The following CPQ variants were observed in gnomAD, a reference collection of about 807,000 sequenced individuals.
The protein encoded by CPQ is Ser-Met dipeptidase.
In CPQ, 37 loss-of-function variants were observed where a neutral mutation model predicts 45.7. That is an observed-to-expected ratio of 0.81 (90% CI 0.62 to 1.07). The LOEUF (loss-of-function observed/expected upper bound fraction) is 1.07, where lower values mean the gene tolerates loss of function less well. Ranked by LOEUF, CPQ falls within the 50% of genes least tolerant of loss-of-function variation. CPQ has a pLI of 0.00. For synonymous variants in CPQ, 186 were observed against 205.8 expected (o/e 0.90, Z 0.82); for missense variants, 537 against 572.9 (o/e 0.94, Z 0.64).
At chr8:96,743,410 C>G (rs561680548) in intron 1 of CPQ, among the ~76,000 whole-genome samples, 4 of 152,014 alleles carry the variant, frequency 2.6e-5, no homozygotes, top group African/African-American at 9.7e-5. Context: ...ACTTCTTTGC[C>G]TTTGGTTTGA....
At position 96,974,389 on chromosome 8, in the gene CPQ, T is replaced by C. The variant is rs192399673; in HGVS notation, c.961+8343T>C. Among the ~76,000 whole-genome samples the C allele has an allele frequency of 1.9e-4, 29 of 152,282 alleles. No individual in the cohort carries two copies. In the South Asian group the frequency reaches 2.3e-3, roughly 12 times the overall value. On this transcript the variant is annotated intron_variant, in intron 5 of 7. Transcript: ENST00000220763. ...TTTATGAAACAATTACTATTAGACCTAAGTAGTGAGATAGACAGCAACACA... is the reference window on the plus strand; with the variant it reads ...TTTATGAAACAATTACTATTAGACCCAAGTAGTGAGATAGACAGCAACACA...
At chr8:96,892,675 A>T (rs752248729) in intron 4 of CPQ, among the ~76,000 whole-genome samples, 1 of 152,204 alleles carries the variant, frequency 6.6e-6, no homozygotes, top group South Asian at 2.1e-4. Flanking sequence ...TATTTTTCAA[A>T]TTTCTGAAAT....
chr8:97,041,796 T>C (rs1810130809), intron 6 of CPQ, among the ~76,000 whole-genome samples: 1 of 152,224 alleles, frequency 6.6e-6, no homozygotes, highest in Non-Finnish European at 1.5e-5. Flanking sequence ...TTTATAGATT[T>C]GCGTATATTG....
At chr8:96,860,711 A>G (rs2130866832) in intron 3 of CPQ, among the ~76,000 whole-genome samples, 1 of 152,242 alleles carries the variant, frequency 6.6e-6, no homozygotes, top group Non-Finnish European at 1.5e-5. Context: ...TTCAGGGTGG[A>G]ATTAAGCTCC....
chr8:97,105,878 C>G (rs1023070175), intron 7 of CPQ, among the ~76,000 whole-genome samples: 2 of 152,216 alleles, frequency 1.3e-5, no homozygotes, highest in South Asian at 4.1e-4. Context: ...ATTTCTACAG[C>G]TATTTGGTAA....
intron 1 of CPQ, among the ~76,000 whole-genome samples, chr8:96,691,692 T>C (rs1053628172): frequency 6.6e-6 from 1 of 152,136 alleles, no homozygotes; most frequent in African/African-American, 2.4e-5. Flanking sequence ...TGGTAACTGG[T>C]GTGAGAATTC....
intron 5 of CPQ, among the ~76,000 whole-genome samples, chr8:97,028,643 T>C (rs1309328660): frequency 1.3e-5 from 2 of 152,208 alleles, no homozygotes; most frequent in African/African-American, 4.8e-5. Flanking sequence ...AGCTTCCTTG[T>C]AGGTAACTTT....
intron 4 of CPQ, among the ~76,000 whole-genome samples, chr8:96,904,350 C>T (rs916764511): frequency 2.6e-5 from 4 of 152,196 alleles, no homozygotes; most frequent in Non-Finnish European, 5.9e-5. Context: ...TGACATTTGC[C>T]TTTGGGATGC....
At chr8:96,755,627 T>G (rs1810317741) in intron 1 of CPQ, among the ~76,000 whole-genome samples, 1 of 151,816 alleles carries the variant, frequency 6.6e-6, no homozygotes, top group South Asian at 2.1e-4. Context: ...ATTTTAAAAT[T>G]TATAATCTTC....
chr8:97,073,469 C>G (rs1405782367), intron 7 of CPQ, among the ~76,000 whole-genome samples: 5 of 152,196 alleles, frequency 3.3e-5, no homozygotes, highest in Admixed American at 1.3e-4. Flanking sequence ...GGTGAAAACA[C>G]TGTACAGTGA....
At chr8:97,122,215 G>A (rs148069908) in intron 7 of CPQ, among the ~76,000 whole-genome samples, 1,701 of 151,916 alleles carry the variant, frequency 0.011, 15 homozygotes, top group Non-Finnish European at 0.017. Context: ...CATGATAAGC[G>A]ACAAGAAAAT....
intron 4 of CPQ, among the ~76,000 whole-genome samples, chr8:96,886,584 ACT>A (rs1312127143): frequency 1.3e-5 from 2 of 152,180 alleles, no homozygotes; most frequent in Non-Finnish European, 2.9e-5. Context: ...TTTAGTACAA[ACT>A]CTATGACTTT....
At chr8:96,861,015 A>G (rs1811919521) in intron 3 of CPQ, among the ~76,000 whole-genome samples, 1 of 152,130 alleles carries the variant, frequency 6.6e-6, no homozygotes, top group East Asian at 1.9e-4. Flanking sequence ...GAAGGGTCAG[A>G]AATAAAGCAA....
intron 5 of CPQ, among the ~76,000 whole-genome samples, chr8:96,979,556 G>A (rs1181775504): frequency 6.6e-6 from 1 of 152,074 alleles, no homozygotes; most frequent in Non-Finnish European, 1.5e-5. Flanking sequence ...CAAAAGCTGT[G>A]GTTTACCCAG....
chr8:96,963,654 T>C (rs1347133783), intron 4 of CPQ, among the ~76,000 whole-genome samples: 1 of 152,174 alleles, frequency 6.6e-6, no homozygotes, highest in Admixed American at 6.5e-5. Flanking sequence ...CACATACATA[T>C]CAATCTGTAA....
At chr8:96,882,881 A>G (rs147375801) in intron 4 of CPQ, among the ~76,000 whole-genome samples, 2 of 152,340 alleles carry the variant, frequency 1.3e-5, no homozygotes, top group African/African-American at 2.4e-5. Context: ...ATTATAATAT[A>G]TAATATTTCC....
At chr8:96,996,841 C>T (rs1353408574) in intron 5 of CPQ, among the ~76,000 whole-genome samples, 1 of 151,886 alleles carries the variant, frequency 6.6e-6, no homozygotes, top group Admixed American at 6.6e-5. Flanking sequence ...TTACCATTTC[C>T]CCCAGAGCCT....
chr8:96,870,049 A>G (rs988124692), intron 3 of CPQ, among the ~76,000 whole-genome samples: 4 of 152,074 alleles, frequency 2.6e-5, no homozygotes, highest in African/African-American at 9.7e-5. Flanking sequence ...AAATAAATAC[A>G]ATGCTGAGTG....
intron 1 of CPQ, among the ~76,000 whole-genome samples, chr8:96,665,097 C>T (rs1808902371): frequency 1.3e-5 from 2 of 152,092 alleles, no homozygotes; most frequent in African/African-American, 4.8e-5. Context: ...TTCAACATGA[C>T]CTGTGAAAAG....
Sources: allele counts gnomAD v4.1 joint callset (sites outside exome capture counted in the v4.1 genomes callset), GRCh38; gene constraint gnomAD v4.1.1; transcripts MANE v1.5; gene names NCBI Gene and HGNC (gene_info 2026-07-23, HGNC 2026-07-21).